DPP6: variants seen among roughly 807,000 people sequenced by gnomAD.
The protein encoded by DPP6 is A-type potassium channel modulatory protein DPP6.
In DPP6, 69 loss-of-function variants were observed where a neutral mutation model predicts 122.6. That is an observed-to-expected ratio of 0.56 (90% CI 0.46 to 0.69). The LOEUF is 0.69. Ranked by LOEUF, DPP6 falls within the 30% of genes least tolerant of loss-of-function variation. The pLI, the probability that DPP6 is intolerant of heterozygous loss-of-function variation, is 0.00. For missense variants in DPP6, 928 were observed against 1,116.9 expected (o/e 0.83, Z 2.41); for synonymous variants, 418 against 433.1 (o/e 0.97, Z 0.43).
the DPP6 span, among the ~76,000 whole-genome samples, chr7:153,758,161 G>A: frequency 6.6e-6 from 1 of 152,068 alleles, no homozygotes; most frequent in Non-Finnish European, 1.5e-5. Flanking sequence ...TAGTTGCTAG[G>A]CTAGTCTTTT....
chr7:154,597,370 G>A (rs936996076), intron 5 of DPP6, among the ~76,000 whole-genome samples: 5 of 152,068 alleles, frequency 3.3e-5, no homozygotes, highest in Non-Finnish European at 7.4e-5. Flanking sequence ...TTGGGAGGCC[G>A]AGGCAGGCAG....
chr7:154,674,805 G>C (rs537894284), intron 7 of DPP6, among the ~76,000 whole-genome samples: 2 of 152,268 alleles, frequency 1.3e-5, no homozygotes, highest in Non-Finnish European at 2.9e-5. Context: ...CCCCAAAGGA[G>C]CAGGTGCAAT....
chr7:154,802,243 G>A (rs1011338703), intron 13 of DPP6, among the ~76,000 whole-genome samples: 1 of 152,160 alleles, frequency 6.6e-6, no homozygotes, highest in East Asian at 1.9e-4. Context: ...AATATTCTAT[G>A]GCTATGACAT....
At chr7:153,917,563 TTC>T (rs1800380552) in intron 1 of DPP6, among the ~76,000 whole-genome samples, 1 of 152,288 alleles carries the variant, frequency 6.6e-6, no homozygotes, top group South Asian at 2.1e-4. Context: ...GCTGCCACAT[TTC>T]TCTCTCTTAC....
At chr7:153,930,482 A>C (rs934403561) in intron 1 of DPP6, among the ~76,000 whole-genome samples, 2 of 152,176 alleles carry the variant, frequency 1.3e-5, no homozygotes, top group African/African-American at 4.8e-5. Context: ...TCAATTGACA[A>C]AATTGTGTGT....
intron 1 of DPP6, among the ~76,000 whole-genome samples, chr7:154,177,181 C>T (rs1037240707): frequency 7.9e-5 from 12 of 152,064 alleles, no homozygotes; most frequent in African/African-American, 2.4e-4. Flanking sequence ...TTGCATCTCC[C>T]GCACAGATAT....
chr7:154,361,604 A>C (rs1228646787), intron 1 of DPP6, among the ~76,000 whole-genome samples: 3 of 96,700 alleles, frequency 3.1e-5, no homozygotes, highest in African/African-American at 2.3e-4. Context: ...ATTGCTAGCC[A>C]AAAAAAAAAA....
At chr7:154,819,691 C>A (rs1442229627) in intron 16 of DPP6, among the ~76,000 whole-genome samples, 1 of 142,018 alleles carries the variant, frequency 7.0e-6, no homozygotes, top group Non-Finnish European at 1.5e-5. Flanking sequence ...AGAAATAAAA[C>A]AAAAACAAAA....
intron 16 of DPP6, among the ~76,000 whole-genome samples, chr7:154,840,720 A>G (rs1004605135): frequency 6.6e-6 from 1 of 152,140 alleles, no homozygotes; most frequent in Non-Finnish European, 1.5e-5. Flanking sequence ...CATGAATTTT[A>G]TCATACCTTC....
intron 1 of DPP6, among the ~76,000 whole-genome samples, chr7:153,927,186 TC>T (rs972397105): frequency 1.4e-4 from 21 of 152,114 alleles, no homozygotes; most frequent in Admixed American, 6.6e-4. Flanking sequence ...GGTGCTGTAC[TC>T]CTGTAGCTCT....
chr7:153,991,995 G>C (rs1797199028), intron 1 of DPP6, among the ~76,000 whole-genome samples: 1 of 152,102 alleles, frequency 6.6e-6, no homozygotes, highest in South Asian at 2.1e-4. Flanking sequence ...GGGCCATCTT[G>C]CTGTGTCCTC....
the DPP6 span, among the ~76,000 whole-genome samples, chr7:153,825,095 T>G: frequency 1.3e-5 from 2 of 152,282 alleles, no homozygotes; most frequent in East Asian, 3.9e-4. Context: ...ACCCCATCTG[T>G]TTCTGTTTGG....
intron 1 of DPP6, among the ~76,000 whole-genome samples, chr7:154,015,561 C>A (rs760075027): frequency 1.3e-5 from 2 of 152,186 alleles, no homozygotes; most frequent in Non-Finnish European, 2.9e-5. Flanking sequence ...CGCTCCTCCA[C>A]CAGTGTTCCA....
At chr7:153,929,956 G>A (rs1316730193) in intron 1 of DPP6, among the ~76,000 whole-genome samples, 2 of 152,186 alleles carry the variant, frequency 1.3e-5, no homozygotes. Flanking sequence ...TGATGCAGAT[G>A]GCTATTTGGG....
rs116323956 is a variant in DPP6 at position 154,236,831 on chromosome 7, G to A, written c.243+183768G>A. 7.2e-3 allele frequency among the ~76,000 whole-genome samples: 1,096 copies of A among 152,172 alleles called. 19 individuals carry two copies. The highest frequency in any genetic ancestry group is 0.025 in the African/African-American group (1,025 of 41,488). ...GCTGCACTTACACAAAAGCTCCATG[G>A]CAGAGAAATTGGAAAGACCAGTAAA... On this transcript the variant is annotated intron_variant, in intron 1 of 25. Coordinates refer to ENST00000377770, the MANE Select transcript of DPP6 (RefSeq NM_130797.4).
intron 21 of DPP6, 193 bp downstream of exon 21, chr7:154,881,135 T>A: frequency 1.0e-6 from 1 of 957,886 alleles, no homozygotes; most frequent in East Asian, 2.9e-5. Context: ...TTTTCCTAAG[T>A]TTCTTTTTAC....
At chr7:154,411,504 G>A (rs902645947) in intron 1 of DPP6, among the ~76,000 whole-genome samples, 1 of 152,146 alleles carries the variant, frequency 6.6e-6, no homozygotes, top group African/African-American at 2.4e-5. Context: ...GCCTCTCTAA[G>A]TGCGGAGATT....
intron 5 of DPP6, among the ~76,000 whole-genome samples, chr7:154,626,241 T>C (rs1835059870): frequency 6.6e-6 from 1 of 152,210 alleles, no homozygotes; most frequent in Non-Finnish European, 1.5e-5. Flanking sequence ...GGAATTGAAA[T>C]GTCCAAGTGG....
chr7:153,833,153 A>G, the DPP6 span, among the ~76,000 whole-genome samples: 1 of 152,166 alleles, frequency 6.6e-6, no homozygotes, highest in African/African-American at 2.4e-5. Flanking sequence ...ATGACTTCCT[A>G]AAGTATTCAT....
Sources: gnomAD v4.1 joint callset for allele counts (sites outside exome capture counted in the v4.1 genomes callset) on GRCh38, gnomAD v4.1.1 for gene constraint, MANE v1.5 for transcripts, NCBI Gene and HGNC (gene_info 2026-07-23, HGNC 2026-07-21) for gene names.